The following CAPN15 variants were observed in gnomAD, a reference collection of about 807,000 sequenced individuals.
CAPN15 encodes the protein calpain-15.
CAPN15 carries 53 observed loss-of-function variants against 97.9 expected under a neutral mutation model. The ratio of observed to expected loss-of-function variants is 0.54; its 90% CI spans 0.43 to 0.68. CAPN15 has a LOEUF of 0.68. Ranked by LOEUF, CAPN15 falls within the 30% of genes least tolerant of loss-of-function variation. CAPN15 has a pLI of 0.00. For missense variants in CAPN15, 1,592 were observed against 1,589.8 expected (o/e 1.00, Z -0.02); for synonymous variants, 922 against 722.5 (o/e 1.28, Z -4.43).
chr16:547,753 T>G lies in CAPN15; in HGVS notation c.915T>G (p.Gly305=). The G allele has an allele frequency of 6.2e-7, 1 of 1,607,426 alleles. No homozygotes were observed. The highest frequency in any genetic ancestry group is 8.5e-7 in the Non-Finnish European group (1 of 1,176,722). The change falls in exon 4 of 14, where the codon GGT becomes GGG. Residue 305 remains glycine, a synonymous_variant. Coordinates refer to ENST00000219611, the MANE Select transcript of CAPN15 (RefSeq NM_005632.3). ...TGCTGGAGGAAGAGGCCACGGAGGG[T>G]GGCACCAGCCGCGTAGAGGCCGGCA... ...LSVLEEEATE[G]GTSRVEAGSS... is the part of the protein sequence containing the mutation.
chr16:547,536 G>A lies in CAPN15; in HGVS notation c.698G>A (p.Ser233Asn), dbSNP rs2034679336. 1.3e-6 allele frequency: 2 copies of A among 1,597,792 alleles called. No individual in the cohort carries two copies. The change falls in exon 4 of 14, where the codon AGC becomes AAC. Residue 233 changes from serine to asparagine, a missense_variant. Physicochemically the swap from Ser to Asn is conservative, Grantham distance 46. This residue lies in a region of CAPN15 where 883 missense variants were observed against 776.6 expected (regional missense o/e 1.14). Transcript: ENST00000219611. The stretch of plus-strand genomic sequence containing the variant: ...GAGCCGCCCAGGGTCCCGCCCTTCA[G>A]CCCCTTCTCGTCCACCCTGCAGAAC... ...EPEPPRVPPF[S>N]PFSSTLQNNP... is the part of the protein sequence containing the mutation.
rs910413677 is a variant in CAPN15, at chr16:553,755, G to T, written c.*239G>T. 1 of 419,536 alleles carries T rather than the reference G, an allele frequency of 2.4e-6. No homozygotes were observed. The highest frequency in any genetic ancestry group is 4.2e-6 in the Non-Finnish European group (1 of 235,324). The allele number at this position is 419,536 out of a possible 1,614,324, so 26.0% of individuals were successfully genotyped here. On this transcript the variant is annotated 3_prime_UTR_variant, in exon 14 of 14. Coordinates refer to ENST00000219611, the MANE Select transcript of CAPN15 (RefSeq NM_005632.3). ...ACGCAGAATACCTCGAACCAGGCGG[G>T]CTGTGAACCAGCCCCGCTCACCTGC...
rs558449348 is a variant in CAPN15, at chr16:535,862, C to A, written c.-136-167C>A. ...GGGAGCAGCACAGATGCTTGGCCGG[C>A]GGCAGGCCCTACAGGAGCAGCAGCG... On this transcript the variant is annotated intron_variant, in intron 2 of 13. Transcript: ENST00000219611. This position sits in a 1 kb window ranked among gnomAD's most constrained non-coding sequence, Gnocchi z 6.2. Among the ~76,000 whole-genome samples, 1 of 152,120 alleles carries A rather than the reference C, an allele frequency of 6.6e-6. No homozygotes were observed. The highest frequency in any genetic ancestry group is 1.5e-5 in the Non-Finnish European group (1 of 67,996).
intron 1 of CAPN15, among the ~76,000 whole-genome samples, chr16:530,993 G>C (rs927972441): frequency 5.3e-5 from 8 of 152,370 alleles, no homozygotes; most frequent in African/African-American, 1.9e-4. Flanking sequence ...TGAGGTCAAA[G>C]GGAAGCTTCA....
At chr16:539,343 T>A (rs1410217159) in intron 3 of CAPN15, 1 of 152,258 alleles carries the variant, frequency 6.6e-6, no homozygotes, top group Non-Finnish European at 1.5e-5. Context: ...GAGGGGAGTG[T>A]ATCGGACTCT....
chr16:552,223 CG>C lies in CAPN15; in HGVS notation c.2507+15del. 1 of 1,531,408 alleles carries C rather than the reference CG, an allele frequency of 6.5e-7. No individual in the cohort carries two copies. 94.9% of individuals were successfully genotyped at this position (1,531,408 alleles called of 1,614,324 possible). A position where few individuals can be genotyped will look rare whatever the true frequency, so the allele number is the denominator to read the frequency against. The stretch of plus-strand genomic sequence containing the variant: ...CCAGGAGGGCAGCAGGTGGGTGCTG[CG>C]GGGCCCCATCGGGCTGGGCTGGGCT... On this transcript the variant is annotated intron_variant, in intron 10 of 13. Coordinates refer to ENST00000219611, the MANE Select transcript of CAPN15 (RefSeq NM_005632.3). The surrounding 1 kb of genome is among the most constrained non-coding windows in gnomAD (Gnocchi z 6.4).
rs1316319947 is a variant in CAPN15 at position 554,501 on chromosome 16, C to T, written c.*985C>T. The T allele has an allele frequency of 1.5e-5, 7 of 455,634 alleles. No individual in the cohort carries two copies. The highest frequency in any genetic ancestry group is 6.2e-5 in the South Asian group (4 of 64,540). The allele number at this position is 455,634 out of a possible 1,614,324, so 28.2% of individuals were successfully genotyped here. A position where few individuals can be genotyped will look rare whatever the true frequency, so the allele number is the denominator to read the frequency against. The stretch of plus-strand genomic sequence containing the variant: ...ACTCTGAGCTGTGAATATTTTTAAC[C>T]CTGTAAATACGGCCAGCTCTTGTGA... On this transcript the variant is annotated 3_prime_UTR_variant, in exon 14 of 14. Transcript: ENST00000219611.
chr16:547,054 G>T lies in CAPN15; in HGVS notation c.216G>T (p.Glu72Asp). ...EACEVCGFTP[E>D]PAPGAAFLPV... ...GCGAGGTGTGCGGCTTCACCCCGGAGCCTGCGCCTGGGGCTGCCTTCCTGC... is the reference window on the plus strand; with the variant it reads ...GCGAGGTGTGCGGCTTCACCCCGGATCCTGCGCCTGGGGCTGCCTTCCTGC... Residue 72 changes from glutamate to aspartate, a missense_variant, in exon 4 of 14, where the codon GAG (glutamate) becomes GAT (aspartate). Physicochemically the swap from Glu to Asp is conservative, Grantham distance 45. Coordinates refer to ENST00000219611, the MANE Select transcript of CAPN15 (RefSeq NM_005632.3). 1 of 1,605,392 alleles carries T rather than the reference G, an allele frequency of 6.2e-7. No individual in the cohort carries two copies.
chr16:554,205 G>C lies in CAPN15; in HGVS notation c.*689G>C, dbSNP rs542730714. ...ACTGCTGCCGGGCACACTGGGACCA[G>C]CAGGCTCCTCAGCCAACCCTGTCCC... On this transcript the variant is annotated 3_prime_UTR_variant, in exon 14 of 14. Coordinates refer to ENST00000219611, the MANE Select transcript of CAPN15 (RefSeq NM_005632.3). 1.9e-5 allele frequency: 6 copies of C among 310,034 alleles called. No homozygotes were observed. The highest frequency in any genetic ancestry group is 1.1e-4 in the African/African-American group (5 of 46,298). The allele number at this position is 310,034 out of a possible 1,614,324, so 19.2% of individuals were successfully genotyped here.
intron 1 of CAPN15, among the ~76,000 whole-genome samples, chr16:533,546 C>T (rs538994249): frequency 9.8e-5 from 15 of 152,332 alleles, no homozygotes; most frequent in African/African-American, 3.4e-4. Context: ...GCTCGGCCGC[C>T]CTCCCTGGCT....
chr16:552,307 G>A lies in CAPN15; in HGVS notation c.2514G>A (p.Ser838=), dbSNP rs369292549. The change falls in exon 11 of 14, where the codon TCG becomes TCA. Residue 838 remains serine (S), a synonymous_variant. Coordinates refer to ENST00000219611, the MANE Select transcript of CAPN15 (RefSeq NM_005632.3). The surrounding 1 kb of genome is among the most constrained non-coding windows in gnomAD (Gnocchi z 6.4). ...FALFQEGSRR[S]DAVDSHLLDL... ...CCCGTGGTGTCTGGCGCAGGCGCTC[G>A]GACGCCGTGGACAGCCACCTGCTGG... The A allele has an allele frequency of 5.0e-5, 78 of 1,558,060 alleles. No homozygotes were observed. The highest frequency in any genetic ancestry group is 1.9e-4 in the East Asian group (8 of 41,964).
rs2033684218 is a variant in CAPN15 at position 535,996 on chromosome 16, C to T, written c.-136-33C>T. On this transcript the variant is annotated intron_variant, in intron 2 of 13. Transcript: ENST00000219611. This position sits in a 1 kb window ranked among gnomAD's most constrained non-coding sequence, Gnocchi z 6.2. ...GGGCACACTCCTTGGTGACAGTGCCCCTGCACGCCCCCCCCCCCCCCCGGT... is the reference window on the plus strand; with the variant it reads ...GGGCACACTCCTTGGTGACAGTGCCTCTGCACGCCCCCCCCCCCCCCCGGT... 1 of 428,948 alleles carries T rather than the reference C, an allele frequency of 2.3e-6. No homozygotes were observed. The highest frequency in any genetic ancestry group is 9.1e-5 in the South Asian group (1 of 10,932). The allele number at this position is 428,948 out of a possible 1,614,324, so 26.6% of individuals were successfully genotyped here.
intron 3 of CAPN15, among the ~76,000 whole-genome samples, chr16:541,056 G>A (rs1476930908): frequency 1.3e-5 from 2 of 152,256 alleles, no homozygotes; most frequent in Non-Finnish European, 2.9e-5. Context: ...GGCTTCTGAA[G>A]GCAATGTGCC....
rs34150277 is a variant in CAPN15, at chr16:536,003, G to GCCCCCCCCCCCC, written c.-136-22_-136-11dup. 6 of 34,072 alleles carry GCCCCCCCCCCCC rather than the reference G, an allele frequency of 1.8e-4. 1 individual carries two copies. The highest frequency in any genetic ancestry group is 6.5e-4 in the Admixed American group (1 of 1,530). 2.1% of individuals were successfully genotyped at this position (34,072 alleles called of 1,614,324 possible). On this transcript the variant is annotated intron_variant, in intron 2 of 13. Coordinates refer to ENST00000219611, the MANE Select transcript of CAPN15 (RefSeq NM_005632.3). ...CTCCTTGGTGACAGTGCCCCTGCACGCCCCCCCCCCCCCCCGGTTATTCAG... is the reference window on the plus strand; with the variant it reads ...CTCCTTGGTGACAGTGCCCCTGCACGCCCCCCCCCCCCCCCCCCCCCCCCCCCGGTTATTCAG...
In CAPN15 at chr16:533,366, G is replaced by C. The variant is rs373292612; in HGVS notation, c.-189-580G>C. 3.9e-5 allele frequency among the ~76,000 whole-genome samples: 6 copies of C among 152,370 alleles called. No individual in the cohort carries two copies. In the South Asian group the frequency reaches 1.2e-3, roughly 32 times the overall value. On this transcript the variant is annotated intron_variant, in intron 1 of 13. Transcript: ENST00000219611. ...CACCGCAGTGGGTCCGCCATGGAGA[G>C]CATGACCTTAGAGAAGCAAAGCCGC...
At chr16:543,034 G>C (rs560184375) in intron 3 of CAPN15, among the ~76,000 whole-genome samples, 24 of 152,130 alleles carry the variant, frequency 1.6e-4, no homozygotes, top group African/African-American at 5.6e-4. Context: ...GTGGGCGACA[G>C]AGTGAGACTC....
chr16:536,469 C>G (rs2033742577), intron 3 of CAPN15, among the ~76,000 whole-genome samples: 1 of 151,430 alleles, frequency 6.6e-6, no homozygotes, highest in South Asian at 2.1e-4. Context: ...GTCGCCCCGG[C>G]TGGAGTGCAG....
Position 553,470 on chromosome 16 carries a change from C to G in CAPN15, c.3215C>G (p.Pro1072Arg), listed in dbSNP as rs151328571. ...WTASKGTHSP[P>R]LTPEVAGLHG... The stretch of plus-strand genomic sequence containing the variant: ...GCCTCCAAGGGGACCCACAGCCCCC[C>G]ACTCACGCCAGAGGTCGCCGGTCTG... Residue 1072 changes from proline (P) to arginine (R), a missense_variant, in exon 14 of 14, where the codon CCA becomes CGA. Physicochemically the swap from Pro to Arg is moderately radical, Grantham distance 103. Transcript: ENST00000219611. 2.5e-6 allele frequency: 4 copies of G among 1,611,388 alleles called. No homozygotes were observed. Among genetic ancestry groups the G allele is most frequent in the African/African-American group, 1.3e-5 (1 of 74,818 alleles).
At position 549,435 on chromosome 16, in the gene CAPN15, G is replaced by T; in HGVS notation, c.1806G>T (p.Leu602=). 6.3e-7 allele frequency: 1 copy of T among 1,599,206 alleles called. No individual in the cohort carries two copies. ...CCACGGTGCTGGTGGACGACATGCTGCCCTGTGATGAGGCCGGCTGCCTCC... is the reference window on the plus strand; with the variant it reads ...CCACGGTGCTGGTGGACGACATGCTTCCCTGTGATGAGGCCGGCTGCCTCC... ...TWTTVLVDDM[L]PCDEAGCLLF... The change falls in exon 6 of 14, where the codon CTG becomes CTT. Residue 602 remains leucine, a synonymous_variant. Coordinates refer to ENST00000219611, the MANE Select transcript of CAPN15 (RefSeq NM_005632.3).
Sources: allele counts gnomAD v4.1 joint callset (sites outside exome capture counted in the v4.1 genomes callset), GRCh38; gene constraint gnomAD v4.1.1; regional missense constraint gnomAD v4.1.1; non-coding constraint Gnocchi (gnomAD v3.1); transcripts MANE v1.5; gene names NCBI Gene and HGNC (gene_info 2026-07-23, HGNC 2026-07-21).